Variants in PLEKHG1 observed in about 807,000 individuals in gnomAD.
The protein encoded by PLEKHG1 is pleckstrin homology and RhoGEF domain containing G1.
In PLEKHG1, 44 loss-of-function variants were observed where a neutral mutation model predicts 100.8. The observed-to-expected ratio is 0.44, with a 90% CI of 0.34 to 0.56. The LOEUF (loss-of-function observed/expected upper bound fraction) is 0.56. Ranked by LOEUF, PLEKHG1 falls within the 20% of genes least tolerant of loss-of-function variation. The pLI is 0.01. For synonymous variants in PLEKHG1, 640 were observed against 662.5 expected (o/e 0.97, Z 0.52); for missense variants, 1,545 against 1,720.9 (o/e 0.90, Z 1.81).
At chr6:150,810,771 A>T (rs1239001237) in intron 10 of PLEKHG1, among the ~76,000 whole-genome samples, 1 of 151,922 alleles carries the variant, frequency 6.6e-6, no homozygotes, top group Non-Finnish European at 1.5e-5. Context: ...AAATACAAAA[A>T]TTAGCTGGGT....
intron 3 of PLEKHG1, among the ~76,000 whole-genome samples, chr6:150,780,524 G>A (rs553468397): frequency 9.2e-5 from 14 of 151,974 alleles, no homozygotes; most frequent in Middle Eastern, 3.4e-3. Context: ...GAGAATACTG[G>A]ACAGTGGCTC....
At chr6:150,729,765 C>A (rs1421709918) in intron 1 of PLEKHG1, among the ~76,000 whole-genome samples, 6 of 152,096 alleles carry the variant, frequency 3.9e-5, no homozygotes, top group Non-Finnish European at 5.9e-5. Context: ...TTAGAAAATG[C>A]CTGGTTGGCA....
chr6:150,837,045 C>G (rs1457200637), intron 15 of PLEKHG1, among the ~76,000 whole-genome samples: 1 of 151,968 alleles, frequency 6.6e-6, no homozygotes, highest in Non-Finnish European at 1.5e-5. Flanking sequence ...GCCTGTAGTC[C>G]CAGCTACTAG....
At chr6:150,651,519 C>T (rs770275626) in intron 3 of PLEKHG1, among the ~76,000 whole-genome samples, 5 of 152,106 alleles carry the variant, frequency 3.3e-5, no homozygotes, top group Non-Finnish European at 5.9e-5. Flanking sequence ...CAGGTGAGAG[C>T]CACCATGCCC....
chr6:150,733,649 G>A, exon 2 of PLEKHG1: 3 of 1,614,118 alleles, frequency 1.9e-6, no homozygotes, highest in South Asian at 2.2e-5. Context: ...CAAGACGACA[G>A]CCAGGCGTTC....
chr6:150,639,528 A>C (rs2128567095), intron 2 of PLEKHG1, among the ~76,000 whole-genome samples: 1 of 151,984 alleles, frequency 6.6e-6, no homozygotes, highest in South Asian at 2.1e-4. Flanking sequence ...ATGTCCTTTA[A>C]CAAATCTGTT....
At chr6:150,702,124 A>G (rs1374611180) in intron 3 of PLEKHG1, among the ~76,000 whole-genome samples, 3 of 152,256 alleles carry the variant, frequency 2.0e-5, no homozygotes, top group Non-Finnish European at 4.4e-5. Context: ...CAAATGAGAC[A>G]TGAACATCTT....
intron 3 of PLEKHG1, among the ~76,000 whole-genome samples, chr6:150,687,869 G>T (rs1412892382): frequency 1.3e-5 from 2 of 152,188 alleles, no homozygotes; most frequent in African/African-American, 2.4e-5. Context: ...GGCATGCTCT[G>T]ATCTATAGCT....
At position 150,669,475 on chromosome 6, in the gene PLEKHG1, C is replaced by T. The variant is rs77609665; in HGVS notation, c.-99+18689C>T. Among the ~76,000 whole-genome samples the T allele has an allele frequency of 8.9e-3, 1,354 of 152,024 alleles. 8 individuals carry two copies. Among genetic ancestry groups the T allele is most frequent in the Middle Eastern group, 0.027 (8 of 294 alleles). On this transcript the variant is annotated intron_variant, in intron 3 of 3. Coordinates refer to the PLEKHG1 transcript ENST00000367326. ...TTAGCTAATGGATAAAATAACGCGACGTTCTTTGGGGTTAAATTTTTGCCT... is the reference window on the plus strand; with the variant it reads ...TTAGCTAATGGATAAAATAACGCGATGTTCTTTGGGGTTAAATTTTTGCCT...
chr6:150,734,989 T>C (rs1287464069), intron 2 of PLEKHG1, among the ~76,000 whole-genome samples: 1 of 148,646 alleles, frequency 6.7e-6, no homozygotes, highest in African/African-American at 2.5e-5. Flanking sequence ...GATTTTTTTT[T>C]TTTTTTTTTT....
At chr6:150,693,930 C>T (rs1337011656) in intron 3 of PLEKHG1, among the ~76,000 whole-genome samples, 4 of 152,156 alleles carry the variant, frequency 2.6e-5, no homozygotes, top group Non-Finnish European at 4.4e-5. Flanking sequence ...AGCTGTGTCG[C>T]GTGATAGTTT....
intron 1 of PLEKHG1, among the ~76,000 whole-genome samples, chr6:150,729,732 C>T (rs1326211775): frequency 6.6e-6 from 1 of 152,156 alleles, no homozygotes; most frequent in Admixed American, 6.5e-5. Context: ...GCTACGGACA[C>T]CAAACTTCTG....
At chr6:150,687,729 C>T (rs1275824472) in intron 3 of PLEKHG1, among the ~76,000 whole-genome samples, 1 of 152,122 alleles carries the variant, frequency 6.6e-6, no homozygotes, top group African/African-American at 2.4e-5. Flanking sequence ...TCAGAGCTGG[C>T]CTGCTGCCCC....
intron 3 of PLEKHG1, among the ~76,000 whole-genome samples, chr6:150,706,906 C>T (rs1582977426): frequency 1.3e-5 from 2 of 150,604 alleles, no homozygotes; most frequent in South Asian, 4.2e-4. Flanking sequence ...AAACCTTCTT[C>T]CCTCCCCTCA....
intron 3 of PLEKHG1, among the ~76,000 whole-genome samples, chr6:150,780,459 A>G (rs2064355): frequency 2.6e-5 from 4 of 152,084 alleles, no homozygotes; most frequent in African/African-American, 9.7e-5. Flanking sequence ...CTCATCTGGT[A>G]TTCAGGTCAG....
At chr6:150,779,547 T>C (rs1785192969) in intron 3 of PLEKHG1, among the ~76,000 whole-genome samples, 1 of 151,704 alleles carries the variant, frequency 6.6e-6, no homozygotes, top group African/African-American at 2.4e-5. Context: ...GGTTTCACCA[T>C]GTTAGTCAGG....
At chr6:150,835,306 T>C (rs1240988918) in intron 15 of PLEKHG1, among the ~76,000 whole-genome samples, 1 of 152,184 alleles carries the variant, frequency 6.6e-6, no homozygotes, top group Admixed American at 6.5e-5. Flanking sequence ...ATGTTTCACA[T>C]GGGAGAAAAC....
chr6:150,701,466 T>TAA lies in PLEKHG1; in HGVS notation c.-98-32117_-98-32116dup, dbSNP rs1554261500. On this transcript the variant is annotated intron_variant, in intron 3 of 3. Coordinates refer to the PLEKHG1 transcript ENST00000367326. ...ATATATATATATATATATATATATA[T>TAA]AATTATACTTTAAGTTCTAGGGTAC... Among the ~76,000 whole-genome samples the TAA allele has an allele frequency of 8.2e-4, 69 of 84,198 alleles. 1 individual carries two copies. The highest frequency in any genetic ancestry group is 1.3e-3 in the Admixed American group (12 of 9,096). The allele number at this position is 84,198 out of a possible 152,430, so 55.2% of individuals were successfully genotyped here.
intron 1 of PLEKHG1, among the ~76,000 whole-genome samples, chr6:150,621,561 G>A (rs1477330621): frequency 6.6e-6 from 1 of 152,102 alleles, no homozygotes; most frequent in Non-Finnish European, 1.5e-5. Context: ...TTTTAGTAGA[G>A]TCGGGGTTTC....
Sources: gnomAD v4.1 joint callset for allele counts (sites outside exome capture counted in the v4.1 genomes callset) on GRCh38, gnomAD v4.1.1 for gene constraint, MANE v1.5 for transcripts, NCBI Gene and HGNC (gene_info 2026-07-23, HGNC 2026-07-21) for gene names.